NUP153: variants seen among roughly 807,000 people sequenced by gnomAD.
The protein encoded by NUP153 is nucleoporin 153, also known as nuclear pore complex protein Nup153.
In NUP153, 27 loss-of-function variants were observed where a neutral mutation model predicts 134.6. The ratio of observed to expected loss-of-function variants is 0.20; its 90% CI spans 0.15 to 0.28. The LOEUF (loss-of-function observed/expected upper bound fraction) is 0.28, where lower values mean the gene tolerates loss of function less well. Ranked by LOEUF, NUP153 falls within the 10% of genes least tolerant of loss-of-function variation. The probability of loss-of-function intolerance (pLI) is 1.00; values close to 1 mark genes in which losing one functional copy is unlikely to be tolerated. For synonymous variants in NUP153, 640 were observed against 623.5 expected, an observed-to-expected ratio of 1.03 and a Z score of -0.40; for missense variants, 1,821 against 1,731.3, an observed-to-expected ratio of 1.05 and a Z score of -0.92.
intron 2 of NUP153, among the ~76,000 whole-genome samples, chr6:17,683,815 G>A (rs1768754599): frequency 6.6e-6 from 1 of 152,110 alleles, no homozygotes; most frequent in South Asian, 2.1e-4. Flanking sequence ...CCAACGGCGG[G>A]CCATGTTTCA....
At chr6:17,617,198 C>T (rs1764377883) in intron 20 of NUP153, among the ~76,000 whole-genome samples, 1 of 152,162 alleles carries the variant, frequency 6.6e-6, no homozygotes, top group African/African-American at 2.4e-5. Context: ...AATCACACAA[C>T]TTACCTATGA....
chr6:17,620,797 CT>C (rs1469059105), intron 20 of NUP153, among the ~76,000 whole-genome samples: 6 of 152,152 alleles, frequency 3.9e-5, no homozygotes, highest in Non-Finnish European at 7.4e-5. Flanking sequence ...TAGGACCCCC[CT>C]GGCCTAGGCA....
rs1554136718 is a variant in NUP153, at chr6:17,628,619, A to AAAAT, written c.3544+35_3544+36insATTT. Reference sequence around the variant, plus strand: ...GTAAAACGACAACTTGTAAAAAAAAAAATAATAATAATAATAATAAAAAGT... The same window carrying AAAAT: ...GTAAAACGACAACTTGTAAAAAAAAAAAATAATAATAATAATAATAATAAAAAGT... On this transcript the variant is annotated intron_variant, in intron 18 of 21. Transcript: ENST00000262077. This position sits in a 1 kb window ranked among gnomAD's most constrained non-coding sequence, Gnocchi z 5.4. The AAAAT allele has an allele frequency of 4.7e-4, 547 of 1,158,316 alleles. No homozygotes were observed. In the African/African-American group the frequency reaches 6.4e-3, roughly 14 times the overall value. 71.8% of individuals were successfully genotyped at this position (1,158,316 alleles called of 1,614,324 possible). A position where few individuals can be genotyped will look rare whatever the true frequency, so the allele number is the denominator to read the frequency against.
rs776732599 is a variant in NUP153 at position 17,688,636 on chromosome 6, ATAT to A, written c.112-21_112-19del. On this transcript the variant is annotated intron_variant, in intron 1 of 21. Coordinates refer to ENST00000262077, the MANE Select transcript of NUP153 (RefSeq NM_005124.4). Reference sequence around the variant, plus strand: ...AGAATGCCCTGTTGAGAGAAAAAACATATTATGACAGTTTTAGAAATTTATCTT... The same window carrying A: ...AGAATGCCCTGTTGAGAGAAAAAACATATGACAGTTTTAGAAATTTATCTT... The A allele has an allele frequency of 6.4e-6, 10 of 1,562,356 alleles. No individual in the cohort carries two copies. In the East Asian group the frequency reaches 6.7e-5, roughly 11 times the overall value.
At chr6:17,696,780 T>C (rs1031497892) in intron 1 of NUP153, among the ~76,000 whole-genome samples, 3 of 146,522 alleles carry the variant, frequency 2.0e-5, no homozygotes, top group Non-Finnish European at 4.5e-5. Flanking sequence ...ATAAATAAAA[T>C]CTTAAAAAAC....
intron 16 of NUP153, among the ~76,000 whole-genome samples, chr6:17,633,160 T>A (rs1765349324): frequency 6.6e-6 from 1 of 152,214 alleles, no homozygotes; most frequent in Admixed American, 6.5e-5. Context: ...AAAAAAATCA[T>A]GCTCGCAAAT....
chr6:17,623,737 C>T (rs1764771909), intron 20 of NUP153, among the ~76,000 whole-genome samples: 1 of 152,106 alleles, frequency 6.6e-6, no homozygotes, highest in Non-Finnish European at 1.5e-5. Context: ...CCTTACAAGC[C>T]TTAGAGCAAA....
chr6:17,671,545 A>G (rs1232078478), intron 5 of NUP153, among the ~76,000 whole-genome samples: 2 of 152,362 alleles, frequency 1.3e-5, no homozygotes, highest in Non-Finnish European at 1.5e-5. Flanking sequence ...AGTCTAACAA[A>G]TAAGTCTAAC....
At chr6:17,677,254 G>A (rs1341969542) in intron 2 of NUP153, among the ~76,000 whole-genome samples, 3 of 152,100 alleles carry the variant, frequency 2.0e-5, no homozygotes, top group African/African-American at 7.2e-5. Flanking sequence ...ATCTACAGAA[G>A]TTCAAAATTA....
In NUP153 at chr6:17,616,127, C is replaced by A; in HGVS notation, c.4398G>T (p.Lys1466Asn). Reference protein sequence around the residue: ...SSSGTSFSGRKIKTAVRRRK With the variant: ...SSSGTSFSGRNIKTAVRRRK ...TCCTGCGTCTAACAGCAGTCTTTAT[C>A]TTGCGACCAGAGAATGAAGTTCCAG... The change falls in exon 22 of 22, where the codon AAG becomes AAT. Residue 1466 changes from lysine to asparagine, a missense_variant. Physicochemically the swap from Lys to Asn is moderately conservative, Grantham distance 94 (BLOSUM62 0). Coordinates refer to ENST00000262077, the MANE Select transcript of NUP153 (RefSeq NM_005124.4). 6.2e-7 allele frequency: 1 copy of A among 1,613,992 alleles called. No homozygotes were observed.
chr6:17,649,239 G>A lies in NUP153; in HGVS notation c.1457C>T (p.Thr486Ile), dbSNP rs1457169638. Residue 486 changes from threonine (T) to isoleucine (I), a missense_variant, in exon 12 of 22, where the codon ACC becomes ATC. Physicochemically the swap from Thr to Ile is moderately conservative, Grantham distance 89. Coordinates refer to ENST00000262077, the MANE Select transcript of NUP153 (RefSeq NM_005124.4). ...GATCTCAGGGGAACTAAAATTAAAG[G>A]TAGGCAGTGAAGAACTGGTGATCGG... Reference protein sequence around the residue: ...SLPITSSSLPTFNFSSPEITT... With the variant: ...SLPITSSSLPIFNFSSPEITT... 1.2e-6 allele frequency: 2 copies of A among 1,613,870 alleles called. No individual in the cohort carries two copies. Among genetic ancestry groups the A allele is most frequent in the Admixed American group, 3.3e-5 (2 of 59,998 alleles).
chr6:17,700,058 G>A (rs1474375102), intron 1 of NUP153, among the ~76,000 whole-genome samples: 2 of 152,100 alleles, frequency 1.3e-5, no homozygotes, highest in Non-Finnish European at 1.5e-5. Context: ...TTTAATACAT[G>A]CAAGTATTGA....
At chr6:17,671,899 T>C (rs563861368) in intron 5 of NUP153, among the ~76,000 whole-genome samples, 3 of 152,234 alleles carry the variant, frequency 2.0e-5, no homozygotes, top group African/African-American at 7.2e-5. Flanking sequence ...TCCCAGCTAC[T>C]TGGGAGGCTG....
chr6:17,695,470 A>G (rs553733927), intron 1 of NUP153, among the ~76,000 whole-genome samples: 2 of 152,314 alleles, frequency 1.3e-5, no homozygotes, highest in Non-Finnish European at 2.9e-5. Flanking sequence ...ATTTTACCTA[A>G]AAGACCACCA....
chr6:17,679,688 C>T (rs943640077), intron 2 of NUP153, among the ~76,000 whole-genome samples: 1 of 152,148 alleles, frequency 6.6e-6, no homozygotes, highest in Non-Finnish European at 1.5e-5. Flanking sequence ...GTAGTTTCTC[C>T]TTCACATATG....
intron 1 of NUP153, among the ~76,000 whole-genome samples, chr6:17,695,022 C>G (rs149809114): frequency 6.6e-6 from 1 of 151,672 alleles, no homozygotes; most frequent in East Asian, 1.9e-4. Context: ...ATGGACTGAA[C>G]GAACAAAAAG....
Position 17,628,890 on chromosome 6 carries a change from T to C in NUP153, c.3309A>G (p.Thr1103=), listed in dbSNP as rs774054908. Residue 1103 remains threonine (T), a synonymous_variant, in exon 18 of 22, where the codon ACA becomes ACG. Coordinates refer to ENST00000262077, the MANE Select transcript of NUP153 (RefSeq NM_005124.4). This position sits in a 1 kb window ranked among gnomAD's most constrained non-coding sequence, Gnocchi z 5.4. The part of the protein sequence containing the change: ...PSASVFVLGR[T]EEKQQEPVTS... ...TGACAGGCTCTTGCTGTTTCTCTTC[T>C]GTCCTTCCCAAAACAAACACTGAGG... 7 of 1,614,260 alleles carry C rather than the reference T, an allele frequency of 4.3e-6. No homozygotes were observed. The South Asian group carries it at 7.7e-5, about 18-fold the overall frequency.
intron 14 of NUP153, among the ~76,000 whole-genome samples, chr6:17,645,774 A>G (rs183002306): frequency 7.9e-5 from 12 of 152,342 alleles, no homozygotes; most frequent in African/African-American, 2.9e-4. Flanking sequence ...GACTTGCTTT[A>G]TAACTAACTT....
chr6:17,640,176 G>GA, intron 14 of NUP153, 112 bp from the exon 15 acceptor site: 1 of 824,108 alleles, frequency 1.2e-6, no homozygotes, highest in Non-Finnish European at 1.7e-6. Flanking sequence ...AAAAGTTCAT[G>GA]AAAAAAGTCA....
Sources: allele counts gnomAD v4.1 joint callset (sites outside exome capture counted in the v4.1 genomes callset), GRCh38; gene constraint gnomAD v4.1.1; non-coding constraint Gnocchi (gnomAD v3.1); transcripts MANE v1.5; gene names NCBI Gene and HGNC (gene_info 2026-07-23, HGNC 2026-07-21).